EPHA5: variants seen among roughly 807,000 people sequenced by gnomAD.
EPHA5 encodes the protein EPH receptor A5.
In EPHA5, 60 loss-of-function variants were observed where a neutral mutation model predicts 105.0. The observed-to-expected ratio is 0.57, with a 90% confidence interval of 0.46 to 0.71. The LOEUF (loss-of-function observed/expected upper bound fraction) is 0.71. EPHA5 is among the 30% of genes least tolerant of loss of function. EPHA5 has a pLI of 0.00. For missense variants in EPHA5, 1,218 were observed against 1,274.7 expected (o/e 0.96, Z 0.68); for synonymous variants, 513 against 449.1 (o/e 1.14, Z -1.80).
intron 8 of EPHA5, 27 bp downstream of exon 8, chr4:65,404,347 C>G (rs370079998): frequency 1.3e-6 from 2 of 1,593,950 alleles, no homozygotes; most frequent in African/African-American, 2.7e-5. Context: ...AGCTGCAGAA[C>G]TTCAGAATCA....
At chr4:65,659,335 A>C (rs1420207062) in intron 1 of EPHA5, among the ~76,000 whole-genome samples, 28 of 56,046 alleles carry the variant, frequency 5.0e-4, no homozygotes, top group African/African-American at 2.3e-3. Flanking sequence ...AAAAAAAAAA[A>C]AAAAAAAAAA....
At chr4:65,529,148 A>G (rs2149297596) in intron 3 of EPHA5, among the ~76,000 whole-genome samples, 1 of 152,276 alleles carries the variant, frequency 6.6e-6, no homozygotes, top group East Asian at 1.9e-4. Context: ...AACGCAATTC[A>G]AAGAATATCA....
intron 2 of EPHA5, among the ~76,000 whole-genome samples, chr4:65,624,406 C>T (rs755406206): frequency 2.0e-5 from 3 of 152,236 alleles, no homozygotes; most frequent in Admixed American, 6.5e-5. Flanking sequence ...GGTTGCCACA[C>T]GTTGATGGAT....
chr4:65,359,089 C>T (rs1723577687), intron 11 of EPHA5, among the ~76,000 whole-genome samples: 1 of 151,588 alleles, frequency 6.6e-6, no homozygotes, highest in African/African-American at 2.4e-5. Flanking sequence ...GTTTCATTTA[C>T]TAACTGTCAA....
intron 3 of EPHA5, among the ~76,000 whole-genome samples, chr4:65,533,338 T>C (rs1182145757): frequency 6.6e-6 from 1 of 152,170 alleles, no homozygotes; most frequent in Non-Finnish European, 1.5e-5. Flanking sequence ...AACCATTTTT[T>C]TGTGCCATGA....
chr4:65,490,354 A>G (rs373272640), intron 5 of EPHA5, 23 bp downstream of exon 5: 67 of 1,603,410 alleles, frequency 4.2e-5, no homozygotes, highest in Non-Finnish European at 5.5e-5. Flanking sequence ...CACATACACA[A>G]TTGGGTTGGG....
chr4:65,448,262 T>TA (rs201102930), intron 5 of EPHA5, among the ~76,000 whole-genome samples: 4,370 of 144,372 alleles, frequency 0.03, 82 homozygotes, highest in African/African-American at 0.052. Context: ...TCAAAACAAG[T>TA]AAAAAAAAAA....
chr4:65,536,729 GT>G (rs1424461577), intron 3 of EPHA5, among the ~76,000 whole-genome samples: 1 of 149,420 alleles, frequency 6.7e-6, no homozygotes, highest in Admixed American at 6.7e-5. Flanking sequence ...TTGAATTTGA[GT>G]AAAAATAAAT....
intron 5 of EPHA5, among the ~76,000 whole-genome samples, chr4:65,468,603 T>A (rs7378498): frequency 8.2e-6 from 1 of 122,632 alleles, no homozygotes; most frequent in South Asian, 2.3e-4. Context: ...AATATATATA[T>A]TATATATATT....
At chr4:65,428,837 T>C (rs140707421) in intron 5 of EPHA5, among the ~76,000 whole-genome samples, 17 of 152,118 alleles carry the variant, frequency 1.1e-4, no homozygotes, top group Non-Finnish European at 2.2e-4. Context: ...ACATTCACAG[T>C]GATATTAACT....
At chr4:65,549,663 A>C (rs1442610982) in intron 3 of EPHA5, among the ~76,000 whole-genome samples, 1 of 152,160 alleles carries the variant, frequency 6.6e-6, no homozygotes, top group Admixed American at 6.5e-5. Context: ...TGACAAAAGA[A>C]AAGACAAAAA....
intron 2 of EPHA5, among the ~76,000 whole-genome samples, chr4:65,637,399 C>A (rs879774386): frequency 3.3e-5 from 5 of 151,206 alleles, no homozygotes; most frequent in Non-Finnish European, 7.4e-5. Context: ...TGCATACTCT[C>A]CTATATGGCA....
intron 5 of EPHA5, among the ~76,000 whole-genome samples, chr4:65,469,192 T>C (rs544018806): frequency 2.0e-5 from 3 of 152,262 alleles, no homozygotes. Context: ...GGTCAAGTTC[T>C]GCAAATTTCA....
intron 2 of EPHA5, among the ~76,000 whole-genome samples, chr4:65,640,487 C>T (rs1411820403): frequency 2.0e-5 from 3 of 151,862 alleles, no homozygotes; most frequent in Non-Finnish European, 4.4e-5. Context: ...AGGGTGTCCC[C>T]GTGTTAGCCA....
chr4:65,387,891 T>C (rs1720270679), intron 8 of EPHA5, among the ~76,000 whole-genome samples: 1 of 150,978 alleles, frequency 6.6e-6, no homozygotes, highest in South Asian at 2.1e-4. Flanking sequence ...TATGTATACA[T>C]GAGCCATGCT....
intron 16 of EPHA5, among the ~76,000 whole-genome samples, chr4:65,326,447 T>G (rs1018196642): frequency 6.6e-6 from 1 of 151,290 alleles, no homozygotes; most frequent in African/African-American, 2.4e-5. Flanking sequence ...TAAAAGAAAA[T>G]GTCTAATGAA....
chr4:65,596,701 CA>C (rs1743226807), intron 3 of EPHA5, among the ~76,000 whole-genome samples: 6 of 151,968 alleles, frequency 3.9e-5, no homozygotes, highest in Admixed American at 1.3e-4. Flanking sequence ...CACACACACA[CA>C]CACACCAACA....
At chr4:65,572,466 A>T (rs574245731) in intron 3 of EPHA5, among the ~76,000 whole-genome samples, 1 of 152,302 alleles carries the variant, frequency 6.6e-6, no homozygotes, top group East Asian at 1.9e-4. Context: ...AAATGCTTAC[A>T]AGCATAAATC....
At position 65,495,509 on chromosome 4, in the gene EPHA5, G is replaced by T. The variant is rs1731840661; in HGVS notation, c.945C>A (p.His315Gln). 1 of 1,613,658 alleles carries T rather than the reference G, an allele frequency of 6.2e-7. No individual in the cohort carries two copies. The highest frequency in any genetic ancestry group is 1.1e-5 in the South Asian group (1 of 91,070). Residue 315 changes from histidine (H) to glutamine (Q), a missense_variant, in exon 4 of 17, where the codon CAC becomes CAA. Physicochemically the swap from His to Gln is conservative, Grantham distance 24. Transcript: ENST00000613740. ...GTGGACATTTGCCGCAGCTCTGGAT[G>T]TGAGGTGAGGCTTTGAAGAACCCAG... ...CRPGFFKASPHIQSCGKCPPH... is the reference protein window; with the variant it reads ...CRPGFFKASPQIQSCGKCPPH...
Sources: gnomAD v4.1 joint callset for allele counts (sites outside exome capture counted in the v4.1 genomes callset) on GRCh38, gnomAD v4.1.1 for gene constraint, MANE v1.5 for transcripts, NCBI Gene and HGNC (gene_info 2026-07-23, HGNC 2026-07-21) for gene names.